WDR19: variants seen among roughly 807,000 people sequenced by gnomAD.
WDR19 encodes WD repeat domain 19.
WDR19 carries 121 observed loss-of-function variants against 180.0 expected under a neutral mutation model. The ratio of observed to expected loss-of-function variants is 0.67; its 90% CI spans 0.58 to 0.78. The LOEUF (loss-of-function observed/expected upper bound fraction) is 0.78, where lower values mean the gene tolerates loss of function less well. Ranked by LOEUF, WDR19 falls within the 30% of genes least tolerant of loss-of-function variation. The pLI is 0.00. For synonymous variants in WDR19, 497 were observed against 540.7 expected, an observed-to-expected ratio of 0.92 and a Z score of 1.12; for missense variants, 1,450 against 1,640.7, an observed-to-expected ratio of 0.88 and a Z score of 2.01.
chr4:39,282,625 T>G (rs1193924080), intron 36 of WDR19, among the ~76,000 whole-genome samples: 1 of 152,164 alleles, frequency 6.6e-6, no homozygotes, highest in East Asian at 1.9e-4. Context: ...CTTGAACTCC[T>G]GACCTCAGGT....
chr4:39,260,875 C>A (rs189020460), intron 28 of WDR19, among the ~76,000 whole-genome samples: 5 of 152,262 alleles, frequency 3.3e-5, no homozygotes, highest in Admixed American at 2.0e-4. Flanking sequence ...ACAATCTAAC[C>A]CTAATTACCT....
intron 5 of WDR19, 103 bp downstream of exon 5, chr4:39,194,762 T>A: frequency 1.2e-6 from 1 of 808,086 alleles, no homozygotes; most frequent in Non-Finnish European, 2.0e-6. Flanking sequence ...AATTTTGCAG[T>A]ACAAACCCCC....
intron 5 of WDR19, among the ~76,000 whole-genome samples, chr4:39,198,408 AAAAT>A (rs1481118476): frequency 6.6e-6 from 1 of 151,822 alleles, no homozygotes; most frequent in African/African-American, 2.4e-5. Context: ...AATACAAAAA[AAAAT>A]TAGCCAGGCA....
chr4:39,183,645 C>T (rs1273034369), intron 1 of WDR19, among the ~76,000 whole-genome samples: 1 of 152,168 alleles, frequency 6.6e-6, no homozygotes, highest in African/African-American at 2.4e-5. Context: ...TCATAACTCC[C>T]ATTTTTATTT....
rs763697118 is a variant in WDR19, at chr4:39,214,616, C to G, written c.906C>G (p.Asp302Glu). The G allele has an allele frequency of 2.5e-6, 4 of 1,568,860 alleles. No individual in the cohort carries two copies. Among genetic ancestry groups the G allele is most frequent in the Non-Finnish European group, 3.5e-6 (4 of 1,152,634 alleles). Residue 302 changes from aspartate to glutamate, a missense_variant, in exon 10 of 37, where the codon GAC becomes GAG. Physicochemically the swap from Asp to Glu is conservative, Grantham distance 45 (BLOSUM62 2). Transcript: ENST00000399820. ...TCGDNCIKIQ[D>E]LVDLKDMYVI... The stretch of plus-strand genomic sequence containing the variant: ...TGTTTTTCAGCATTAAAATCCAAGA[C>G]TTGGTTGACTTAAAAGACATGTATG...
intron 5 of WDR19, among the ~76,000 whole-genome samples, chr4:39,196,207 TCTC>T (rs1462189275): frequency 1.3e-5 from 2 of 152,188 alleles, no homozygotes; most frequent in African/African-American, 4.8e-5. Flanking sequence ...CCCAGTCTCT[TCTC>T]TGAATATTTC....
At chr4:39,258,730 C>G (rs1733995955) in intron 28 of WDR19, among the ~76,000 whole-genome samples, 1 of 152,104 alleles carries the variant, frequency 6.6e-6, no homozygotes, top group Non-Finnish European at 1.5e-5. Context: ...CATGGCTTGC[C>G]TTTTTATTCT....
chr4:39,267,116 C>T (rs1312234273), intron 29 of WDR19, among the ~76,000 whole-genome samples: 1 of 152,160 alleles, frequency 6.6e-6, no homozygotes, highest in East Asian at 1.9e-4. Flanking sequence ...TCATTACAAG[C>T]ATATTTTCAA....
At chr4:39,254,298 A>C (rs1006235157) in intron 26 of WDR19, among the ~76,000 whole-genome samples, 1 of 152,222 alleles carries the variant, frequency 6.6e-6, no homozygotes, top group African/African-American at 2.4e-5. Context: ...AGATTTCCCA[A>C]ATCCTGCTAT....
At chr4:39,204,197 T>C (rs956095209) in intron 7 of WDR19, among the ~76,000 whole-genome samples, 1 of 152,022 alleles carries the variant, frequency 6.6e-6, no homozygotes, top group Non-Finnish European at 1.5e-5. Flanking sequence ...GCGATTCTCC[T>C]GCCTCAGCCT....
chr4:39,279,190 G>A (rs1013306555), intron 36 of WDR19, among the ~76,000 whole-genome samples: 19 of 152,206 alleles, frequency 1.2e-4, no homozygotes, highest in African/African-American at 4.1e-4. Flanking sequence ...GCCAAAAGCC[G>A]TGCCAAAACT....
chr4:39,236,495 G>T (rs754554507), intron 20 of WDR19, among the ~76,000 whole-genome samples: 1 of 152,168 alleles, frequency 6.6e-6, no homozygotes, highest in African/African-American at 2.4e-5. Flanking sequence ...GACTCCAAAA[G>T]GTGGGAGGGT....
intron 5 of WDR19, among the ~76,000 whole-genome samples, chr4:39,199,059 T>C (rs929744136): frequency 1.3e-5 from 2 of 151,768 alleles, no homozygotes; most frequent in Admixed American, 6.6e-5. Flanking sequence ...CCCAGCTACT[T>C]GGGACCTGAG....
intron 9 of WDR19, among the ~76,000 whole-genome samples, chr4:39,214,148 A>C (rs1450857268): frequency 6.6e-6 from 1 of 152,172 alleles, no homozygotes; most frequent in African/African-American, 2.4e-5. Context: ...TTCTGATCCA[A>C]ATTTAATGTT....
chr4:39,195,393 AAC>A (rs1261036031), intron 5 of WDR19, among the ~76,000 whole-genome samples: 8 of 150,656 alleles, frequency 5.3e-5, no homozygotes, highest in African/African-American at 2.0e-4. Flanking sequence ...AAAACAAACA[AAC>A]AAAAAAAAAC....
At chr4:39,240,212 A>G in intron 20 of WDR19, 65 bp from the exon 21 acceptor site, 1 of 645,324 alleles carries the variant, frequency 1.5e-6, no homozygotes, top group South Asian at 3.6e-5. Flanking sequence ...AGGAAAAAGT[A>G]CATGTAAATA....
At chr4:39,264,551 G>A (rs929959491) in intron 28 of WDR19, among the ~76,000 whole-genome samples, 3 of 152,180 alleles carry the variant, frequency 2.0e-5, no homozygotes, top group Non-Finnish European at 2.9e-5. Context: ...ATAACTTGCA[G>A]ACTTGTCCTC....
intron 9 of WDR19, among the ~76,000 whole-genome samples, chr4:39,211,789 T>G (rs1378061620): frequency 6.6e-6 from 1 of 152,158 alleles, no homozygotes; most frequent in African/African-American, 2.4e-5. Context: ...TAGAGAGATA[T>G]ACTGTGTTCA....
intron 30 of WDR19, among the ~76,000 whole-genome samples, chr4:39,268,301 A>G (rs568782248): frequency 4.8e-4 from 73 of 152,236 alleles, no homozygotes; most frequent in African/African-American, 1.7e-3. Context: ...GACTAAGACC[A>G]TCTCTTGTCA....
Sources: gnomAD v4.1 joint callset for allele counts (sites outside exome capture counted in the v4.1 genomes callset) on GRCh38, gnomAD v4.1.1 for gene constraint, MANE v1.5 for transcripts, NCBI Gene and HGNC (gene_info 2026-07-23, HGNC 2026-07-21) for gene names.